Variants in PFKFB3 observed in about 807,000 individuals in gnomAD.
PFKFB3 encodes 6-phosphofructo-2-kinase/fructose-2,6-biphosphatase 3, also known as 6-phosphofructo-2-kinase/fructose-2,6-bisphosphatase 3.
PFKFB3 carries 33 observed loss-of-function variants against 68.0 expected under a neutral mutation model. The observed-to-expected ratio is 0.49, with a 90% CI of 0.37 to 0.65. The LOEUF is 0.65. Ranked by LOEUF, PFKFB3 falls within the 30% of genes least tolerant of loss-of-function variation. PFKFB3 has a pLI of 0.00. For missense variants in PFKFB3, 586 were observed against 712.2 expected, an observed-to-expected ratio of 0.82 and a Z score of 2.02; for synonymous variants, 315 against 288.2, an observed-to-expected ratio of 1.09 and a Z score of -0.94.
rs1225843582 is a variant in PFKFB3 at position 6,210,346 on chromosome 10, GTTT to G, written c.77-3270_77-3268del. ...GGCGCCCCTCTCTTTGTTTTTTTTT[GTTT>G]TTTTTTGTTTTTTTGTTTTTTTTTT... On this transcript the variant is annotated intron_variant, in intron 1 of 14. Transcript: ENST00000379775. Among the ~76,000 whole-genome samples, 8 of 32,804 alleles carry G rather than the reference GTTT, an allele frequency of 2.4e-4. 2 individuals carry two copies. The East Asian group carries it at 3.8e-3, about 16-fold the overall frequency. 21.5% of individuals were successfully genotyped at this position (32,804 alleles called of 152,430 possible).
At chr10:6,212,137 G>A (rs529021554) in intron 1 of PFKFB3, among the ~76,000 whole-genome samples, 1 of 152,280 alleles carries the variant, frequency 6.6e-6, no homozygotes, top group Non-Finnish European at 1.5e-5. Context: ...GTCTGGGAAT[G>A]ATGAGGACAG....
the PFKFB3 span, among the ~76,000 whole-genome samples, chr10:6,284,801 T>G: frequency 6.6e-6 from 1 of 152,316 alleles, no homozygotes; most frequent in Non-Finnish European, 1.5e-5. Context: ...ATAAATTTCC[T>G]ATTCTAGCTA....
At chr10:6,223,056 G>C in intron 11 of PFKFB3, 72 bp downstream of exon 11, 1 of 1,500,738 alleles carries the variant, frequency 6.7e-7, no homozygotes, top group Non-Finnish European at 9.0e-7. Flanking sequence ...GTCAGCCGCA[G>C]ACCTGCCGTG....
In PFKFB3 at chr10:6,221,764, G is replaced by A. The variant is rs759999810; in HGVS notation, c.1083+19G>A. On this transcript the variant is annotated intron_variant, in intron 10 of 14. Coordinates refer to ENST00000379775, the MANE Select transcript of PFKFB3 (RefSeq NM_004566.4). ...CGGGGAGGTGAGCGCAGGCTGGGGCGGGCTGACGGTCCCCAGCACACATGA... is the reference window on the plus strand; with the variant it reads ...CGGGGAGGTGAGCGCAGGCTGGGGCAGGCTGACGGTCCCCAGCACACATGA... 2.2e-5 allele frequency: 34 copies of A among 1,518,132 alleles called. 1 individual carries two copies. In the Admixed American group the frequency reaches 2.6e-4, roughly 12 times the overall value. The allele number at this position is 1,518,132 out of a possible 1,614,324, so 94.0% of individuals were successfully genotyped here.
the PFKFB3 span, among the ~76,000 whole-genome samples, chr10:6,289,916 T>G: frequency 2.0e-5 from 3 of 152,126 alleles, no homozygotes; most frequent in Non-Finnish European, 2.9e-5. Context: ...AAGAGGTCCT[T>G]CACGTCCCTT....
the PFKFB3 span, among the ~76,000 whole-genome samples, chr10:6,266,650 T>C: frequency 6.6e-6 from 1 of 152,252 alleles, no homozygotes; most frequent in African/African-American, 2.4e-5. Context: ...ATTGGAAATA[T>C]ACATTCATAT....
Position 6,228,993 on chromosome 10 carries a change from C to T in PFKFB3, c.1515+2628C>T. On this transcript the variant is annotated intron_variant, in intron 14 of 14. Transcript: ENST00000379775. The surrounding 1 kb of genome is among the most constrained non-coding windows in gnomAD (Gnocchi z 4.5). The stretch of plus-strand genomic sequence containing the variant: ...TTCCCCACCAGGAGCAGAGGCCTTC[C>T]TGCCACAGAACTTTAATGACAGCCA... 2.3e-6 allele frequency: 1 copy of T among 440,692 alleles called. No individual in the cohort carries two copies. Among genetic ancestry groups the T allele is most frequent in the South Asian group, 1.7e-5 (1 of 59,348 alleles). The allele number at this position is 440,692 out of a possible 1,614,324, so 27.3% of individuals were successfully genotyped here. A position where few individuals can be genotyped will look rare whatever the true frequency, so the allele number is the denominator to read the frequency against.
At chr10:6,196,731 C>T (rs1001718760) in intron 1 of PFKFB3, among the ~76,000 whole-genome samples, 2 of 152,000 alleles carry the variant, frequency 1.3e-5, no homozygotes, top group Non-Finnish European at 2.9e-5. Flanking sequence ...TCTCCCAGTC[C>T]ACTCACTCAA....
chr10:6,219,016 G>A (rs1176372317), intron 6 of PFKFB3, among the ~76,000 whole-genome samples: 2 of 152,250 alleles, frequency 1.3e-5, no homozygotes, highest in Admixed American at 1.3e-4. Flanking sequence ...GACCTGTGTT[G>A]TTGCCTAGGA....
At chr10:6,267,777 A>C in the PFKFB3 span, among the ~76,000 whole-genome samples, 1 of 151,846 alleles carries the variant, frequency 6.6e-6, no homozygotes, top group Non-Finnish European at 1.5e-5. Context: ...CAACATGGTG[A>C]AACCCCGTCT....
chr10:6,240,724 C>A (rs956594681), intron 14 of PFKFB3, among the ~76,000 whole-genome samples: 1 of 152,160 alleles, frequency 6.6e-6, no homozygotes, highest in East Asian at 1.9e-4. Flanking sequence ...AACAAAACTA[C>A]AGACTTCATT....
the PFKFB3 span, among the ~76,000 whole-genome samples, chr10:6,281,534 C>T: frequency 6.6e-6 from 1 of 152,072 alleles, no homozygotes; most frequent in Non-Finnish European, 1.5e-5. Context: ...GAGGCTCAGA[C>T]AGCTCTTTGA....
intron 1 of PFKFB3, among the ~76,000 whole-genome samples, chr10:6,203,879 C>T (rs985345874): frequency 6.6e-6 from 1 of 152,170 alleles, no homozygotes; most frequent in Non-Finnish European, 1.5e-5. Flanking sequence ...CCTTCCTCTC[C>T]CACTGTTTCT....
intron 1 of PFKFB3, among the ~76,000 whole-genome samples, chr10:6,151,749 T>C (rs1841594889): frequency 6.6e-6 from 1 of 152,148 alleles, no homozygotes; most frequent in East Asian, 1.9e-4. Context: ...GTGTGGACTT[T>C]CAAAAGGAAG....
At chr10:6,190,733 ATCT>A (rs1454874098) in intron 1 of PFKFB3, among the ~76,000 whole-genome samples, 1 of 152,144 alleles carries the variant, frequency 6.6e-6, no homozygotes, top group Non-Finnish European at 1.5e-5. Context: ...TATCCACATC[ATCT>A]TCCCATTAAC....
At chr10:6,236,974 C>T (rs918582572), downstream of PFKFB3, among the ~76,000 whole-genome samples, 10 of 152,182 alleles carry the variant, frequency 6.6e-5, no homozygotes, top group African/African-American at 2.4e-4. Flanking sequence ...CAGTCGTTTC[C>T]ATTCGCTGCC....
rs617245 is a variant in PFKFB3, at chr10:6,202,956, A to T, written c.-305A>T. ...CAGCCAAGCCGGAGAGGAGGCGAGC[A>T]GCAGGGCCTGGTGGCGAGAGCGCGG... On this transcript the variant is annotated 5_prime_UTR_variant, in exon 1 of 15. Coordinates refer to ENST00000379775, the MANE Select transcript of PFKFB3 (RefSeq NM_004566.4). The T allele has an allele frequency of 7.9e-7, 1 of 1,263,634 alleles. No homozygotes were observed. The highest frequency in any genetic ancestry group is 1.0e-6 in the Non-Finnish European group (1 of 1,002,822). 78.3% of individuals were successfully genotyped at this position (1,263,634 alleles called of 1,614,324 possible). A position where few individuals can be genotyped will look rare whatever the true frequency, so the allele number is the denominator to read the frequency against.
chr10:6,310,998 A>G, the PFKFB3 span, among the ~76,000 whole-genome samples: 2 of 152,190 alleles, frequency 1.3e-5, no homozygotes, highest in East Asian at 3.9e-4. Flanking sequence ...ACTGAAGTTA[A>G]AAGAGAAAAA....
chr10:6,318,785 T>C, the PFKFB3 span, among the ~76,000 whole-genome samples: 6,385 of 152,056 alleles, frequency 0.042, 448 homozygotes, highest in African/African-American at 0.14. Flanking sequence ...GTCCTCGGGG[T>C]GGTGAACTCT....
Sources: gnomAD v4.1 joint callset for allele counts (sites outside exome capture counted in the v4.1 genomes callset) on GRCh38, gnomAD v4.1.1 for gene constraint, Gnocchi (gnomAD v3.1) non-coding constraint, MANE v1.5 for transcripts, NCBI Gene and HGNC (gene_info 2026-07-23, HGNC 2026-07-21) for gene names.